EGFL7: variants seen among roughly 807,000 people sequenced by gnomAD.
EGFL7 encodes the protein epidermal growth factor-like protein 7.
EGFL7 carries 48 observed loss-of-function variants against 37.1 expected under a neutral mutation model. The ratio of observed to expected loss-of-function variants is 1.29; its 90% CI spans 1.03 to 1.65. The LOEUF (loss-of-function observed/expected upper bound fraction) is 1.65. EGFL7 is among the 40% of genes most tolerant of loss of function. The probability of loss-of-function intolerance (pLI) is 0.00; values close to 1 mark genes in which losing one functional copy is unlikely to be tolerated. For missense variants in EGFL7, 384 were observed against 378.9 expected, an observed-to-expected ratio of 1.01 and a Z score of -0.11; for synonymous variants, 180 against 156.8, an observed-to-expected ratio of 1.15 and a Z score of -1.10.
chr9:136,672,247 G>C lies in EGFL7; in HGVS notation c.800-17G>C. ...TGGGGAGCAGTGATCTCTGACCTTC[G>C]CCTCATCCAACCCTAGGCTCCTGCA... On this transcript the variant is annotated splice_polypyrimidine_tract_variant and intron_variant, in intron 10 of 10. Transcript: ENST00000308874. 1.2e-6 allele frequency: 2 copies of C among 1,613,396 alleles called. No homozygotes were observed. Among genetic ancestry groups the C allele is most frequent in the Non-Finnish European group, 1.7e-6 (2 of 1,179,932 alleles).
rs200494855 is a variant in EGFL7, at chr9:136,668,349, G to A, written c.67G>A (p.Ala23Thr). Residue 23 changes from alanine (A) to threonine (T), a missense_variant, in exon 4 of 11, where the codon GCC becomes ACC. By Grantham distance (58) the Ala-to-Thr change is moderately conservative. Transcript: ENST00000308874. ...GTTGGCAGTGGGCGGCACAGAGCAC[G>A]CCTACCGGCCCGGGTGAGCCAAGCC... is the stretch of plus-strand genomic sequence containing the variant. ...LVLAVGGTEH[A>T]YRPGRRVCAV... is the part of the protein sequence containing the mutation. The A allele has an allele frequency of 1.0e-3, 1,595 of 1,601,140 alleles. 21 individuals carry two copies. The highest frequency in any genetic ancestry group is 3.1e-4 in the Non-Finnish European group (369 of 1,173,784).
rs1470950634 is a variant in EGFL7 at position 136,670,856 on chromosome 9, T to G, written c.572-94T>G. Reference sequence around the variant, plus strand: ...GGCGGCAGAGGCCTGGGCCTGAGTCTTCTGGCTCTGCCTCTCCCTGGGGAC... The same window carrying G: ...GGCGGCAGAGGCCTGGGCCTGAGTCGTCTGGCTCTGCCTCTCCCTGGGGAC... On this transcript the variant is annotated intron_variant, in intron 8 of 10. Transcript: ENST00000308874. 4 of 1,237,458 alleles carry G rather than the reference T, an allele frequency of 3.2e-6. No homozygotes were observed. The Admixed American group carries it at 8.4e-5, about 26-fold the overall frequency. The allele number at this position is 1,237,458 out of a possible 1,614,324, so 76.7% of individuals were successfully genotyped here.
At chr9:136,659,162 G>A (rs1186426763), upstream of EGFL7, 1 of 152,218 alleles carries the variant, frequency 6.6e-6, no homozygotes, top group Non-Finnish European at 1.5e-5. Flanking sequence ...GCAGGGAGAG[G>A]TGAGAGGAAA....
rs1181483102 is a variant in EGFL7, at chr9:136,672,459, AT to A, written c.*174del. On this transcript the variant is annotated 3_prime_UTR_variant, in exon 11 of 11. Coordinates refer to ENST00000308874, the MANE Select transcript of EGFL7 (RefSeq NM_016215.5). The stretch of plus-strand genomic sequence containing the variant: ...CTCGGGAGGCTCCCCAGACCCTGGC[AT>A]GGGATGGGCTGGGATCTTCTCTGTG... 5.3e-6 allele frequency: 4 copies of A among 761,868 alleles called. No individual in the cohort carries two copies. In the East Asian group the frequency reaches 1.1e-4, roughly 20 times the overall value. 47.2% of individuals were successfully genotyped at this position (761,868 alleles called of 1,614,324 possible).
chr9:136,668,012 C>T (rs1281289515), intron 3 of EGFL7, among the ~76,000 whole-genome samples: 1 of 150,440 alleles, frequency 6.6e-6, no homozygotes, highest in Non-Finnish European at 1.5e-5. Flanking sequence ...GACAGCGTCA[C>T]CCCCCCTGTG....
upstream of EGFL7, among the ~76,000 whole-genome samples, chr9:136,660,899 T>C (rs115772815): frequency 2.6e-3 from 394 of 152,204 alleles, 2 homozygotes; most frequent in African/African-American, 9.2e-3. Context: ...TGGGCCTCAG[T>C]TTCCCCCTCT....
chr9:136,665,105 T>C (rs1410620250), intron 3 of EGFL7, among the ~76,000 whole-genome samples: 3 of 152,204 alleles, frequency 2.0e-5, no homozygotes, highest in African/African-American at 7.2e-5. Flanking sequence ...GGAGGAGTGT[T>C]CTGCGATGGC....
chr9:136,668,486 G>T, intron 4 of EGFL7, 71 bp from the exon 5 acceptor site: 1 of 1,555,434 alleles, frequency 6.4e-7, no homozygotes, highest in Non-Finnish European at 8.8e-7. Flanking sequence ...GTCCTGCCCC[G>T]GCCACATGTT....
rs3793659 is a variant in EGFL7, at chr9:136,667,383, G to A, written c.-42-858G>A. Among the ~76,000 whole-genome samples the A allele has an allele frequency of 2.9e-3, 446 of 152,266 alleles. 3 individuals are homozygous for A. Among genetic ancestry groups the A allele is most frequent in the African/African-American group, 1.0e-2 (415 of 41,572 alleles). Reference sequence around the variant, plus strand: ...GGACCCTGCAGCATGGCAGGGGCTCGCCAGGTCTCCAGACCCCTGGCTGCG... The same window carrying A: ...GGACCCTGCAGCATGGCAGGGGCTCACCAGGTCTCCAGACCCCTGGCTGCG... On this transcript the variant is annotated intron_variant, in intron 3 of 10. Coordinates refer to ENST00000308874, the MANE Select transcript of EGFL7 (RefSeq NM_016215.5).
Position 136,670,007 on chromosome 9 carries a change from C to A in EGFL7, c.407C>A (p.Ser136Ter). ...GGATGGCGGGGTGACACTTGCCAGT[C>A]AGGTGAGGCTGGCTCTACCCTGGGG... ...PAGWRGDTCQ[S>*]DVDECSARRG... Residue 136 changes from serine to a stop codon, truncating the protein, a stop_gained and splice_region_variant, in exon 7 of 11, where the codon TCA (serine) becomes TAA (stop). Transcript: ENST00000308874. LOFTEE classifies it high-confidence loss of function. 6.3e-7 allele frequency: 1 copy of A among 1,595,014 alleles called. No individual in the cohort carries two copies.
At chr9:136,669,063 G>A (rs1845667307) in intron 5 of EGFL7, among the ~76,000 whole-genome samples, 1 of 152,158 alleles carries the variant, frequency 6.6e-6, no homozygotes, top group Non-Finnish European at 1.5e-5. Context: ...ACTCCACTGG[G>A]CACCCCCCTC....
chr9:136,667,336 C>T (rs1845541387), intron 3 of EGFL7, among the ~76,000 whole-genome samples: 1 of 152,236 alleles, frequency 6.6e-6, no homozygotes, highest in Non-Finnish European at 1.5e-5. Flanking sequence ...CTTTGGGAAG[C>T]ACCCGTGAGA....
Position 136,668,338 on chromosome 9 carries a change from G to A in EGFL7, c.56G>A (p.Gly19Asp), listed in dbSNP as rs764811526. ...TGGCTTCTGGTGTTGGCAGTGGGCG[G>A]CACAGAGCACGCCTACCGGCCCGGG... ...LMWLLVLAVGGTEHAYRPGRR... is the reference protein window; with the variant it reads ...LMWLLVLAVGDTEHAYRPGRR... The change falls in exon 4 of 11, where the codon GGC (glycine) becomes GAC (aspartate). Residue 19 changes from glycine (G) to aspartate (D), a missense_variant. By Grantham distance (94) the Gly-to-Asp change is moderately conservative (BLOSUM62 -1). Transcript: ENST00000308874. 45 of 1,604,866 alleles carry A rather than the reference G, an allele frequency of 2.8e-5. No homozygotes were observed. Among genetic ancestry groups the A allele is most frequent in the South Asian group, 2.7e-4 (24 of 89,888 alleles).
upstream of EGFL7, among the ~76,000 whole-genome samples, chr9:136,661,369 C>T (rs973887769): frequency 6.6e-6 from 1 of 152,134 alleles, no homozygotes; most frequent in African/African-American, 2.4e-5. Context: ...CCGAGGGAGG[C>T]ACAGGGCGGC....
chr9:136,668,022 G>C lies in EGFL7; in HGVS notation c.-42-219G>C, dbSNP rs574696573. Among the ~76,000 whole-genome samples, 591 of 152,274 alleles carry C rather than the reference G, an allele frequency of 3.9e-3. 5 individuals are homozygous for C. Among genetic ancestry groups the C allele is most frequent in the African/African-American group, 0.014 (568 of 41,544 alleles). On this transcript the variant is annotated intron_variant, in intron 3 of 10. Coordinates refer to ENST00000308874, the MANE Select transcript of EGFL7 (RefSeq NM_016215.5). ...CTCTGGACAGCGTCACCCCCCCTGT[G>C]CCCCCAGGCTGTGGCCCCAGCTGTT...
rs994901036 is a variant in EGFL7 at position 136,667,056 on chromosome 9, G to A, written c.-42-1185G>A. On this transcript the variant is annotated intron_variant, in intron 3 of 10. Transcript: ENST00000308874. ...GACCCCCAGCCACCCTCCCCGCTGG[G>A]ACCGGGTGATGCCTTGGCAGTGCCC... 5.9e-5 allele frequency among the ~76,000 whole-genome samples: 9 copies of A among 152,312 alleles called. No homozygotes were observed. The South Asian group carries it at 1.7e-3, about 28-fold the overall frequency.
rs1845993048 is a variant in EGFL7 at position 136,672,625 on chromosome 9, G to A, written c.*339G>A. 1.1e-5 allele frequency: 5 copies of A among 465,448 alleles called. No homozygotes were observed. The highest frequency in any genetic ancestry group is 1.9e-5 in the Non-Finnish European group (5 of 257,860). The allele number at this position is 465,448 out of a possible 1,614,324, so 28.8% of individuals were successfully genotyped here. ...GGCCAGGCAGCCCGGAGGCTGGGTGGGGCCTCAGTGGGGGCTGCTGCCTGA... is the reference window on the plus strand; with the variant it reads ...GGCCAGGCAGCCCGGAGGCTGGGTGAGGCCTCAGTGGGGGCTGCTGCCTGA... On this transcript the variant is annotated 3_prime_UTR_variant, in exon 11 of 11. Coordinates refer to ENST00000308874, the MANE Select transcript of EGFL7 (RefSeq NM_016215.5).
At position 136,672,441 on chromosome 9, in the gene EGFL7, G is replaced by A; in HGVS notation, c.*155G>A. ...CTCTTCCTCCTCCCCTTCCTCGGGA[G>A]GCTCCCCAGACCCTGGCATGGGATG... On this transcript the variant is annotated 3_prime_UTR_variant, in exon 11 of 11. Transcript: ENST00000308874. 1.1e-6 allele frequency: 1 copy of A among 880,678 alleles called. No homozygotes were observed. Among genetic ancestry groups the A allele is most frequent in the Non-Finnish European group, 1.8e-6 (1 of 563,618 alleles). The allele number at this position is 880,678 out of a possible 1,614,324, so 54.6% of individuals were successfully genotyped here.
In EGFL7 at chr9:136,669,781, G is replaced by T. The variant is rs2297536; in HGVS notation, c.313+60G>T. 13,457 of 1,467,506 alleles carry T rather than the reference G, an allele frequency of 9.2e-3. 554 individuals carry two copies. The East Asian group carries it at 0.13, about 15-fold the overall frequency. The allele number at this position is 1,467,506 out of a possible 1,614,324, so 90.9% of individuals were successfully genotyped here. On this transcript the variant is annotated intron_variant, in intron 6 of 10. Transcript: ENST00000308874. ...AGGGCGACTGTTCCCCAATCTTCCA[G>T]CAACGCTCCTGCTGCTTTTCTTGAA... is the stretch of plus-strand genomic sequence containing the variant.
Sources: gnomAD v4.1 joint callset for allele counts (sites outside exome capture counted in the v4.1 genomes callset) on GRCh38, gnomAD v4.1.1 for gene constraint, MANE v1.5 for transcripts, NCBI Gene and HGNC (gene_info 2026-07-23, HGNC 2026-07-21) for gene names.